The following CSNK1A1 variants were observed in gnomAD, a reference collection of about 807,000 sequenced individuals.
CSNK1A1 encodes casein kinase I isoform alpha.
CSNK1A1 carries 7 observed loss-of-function variants against 46.1 expected under a neutral mutation model. The ratio of observed to expected loss-of-function variants is 0.15; its 90% CI spans 0.09 to 0.29. CSNK1A1 has a LOEUF of 0.29. Among genes scored for constraint, CSNK1A1 ranks in the 10% least tolerant of loss-of-function variants. The pLI, the probability that CSNK1A1 is intolerant of heterozygous loss-of-function variation, is 1.00. For synonymous variants in CSNK1A1, 137 were observed against 141.5 expected (o/e 0.97, Z 0.23); for missense variants, 96 against 417.1 (o/e 0.23, Z 6.71).
chr5:149,518,446 C>T (rs962388250), intron 4 of CSNK1A1, among the ~76,000 whole-genome samples: 6 of 151,860 alleles, frequency 4.0e-5, no homozygotes, highest in Admixed American at 3.3e-4. Flanking sequence ...CCTTTTTTTC[C>T]CCATGAATAG....
rs1187280446 is a variant in CSNK1A1 at position 149,494,831 on chromosome 5, A to G, written c.*2022T>C. The G allele has an allele frequency of 6.6e-6, 1 of 152,238 alleles. No individual in the cohort carries two copies. 9.4% of individuals were successfully genotyped at this position (152,238 alleles called of 1,614,324 possible). On this transcript the variant is annotated 3_prime_UTR_variant, in exon 10 of 10. Coordinates refer to ENST00000377843, the MANE Select transcript of CSNK1A1 (RefSeq NM_001892.6). ...ACCAACTACACCACAACCTTTTCAA[A>G]TGGCAAAAATACAAAAAAGTGTTAC...
At chr5:149,548,448 T>G (rs1021911939) in intron 2 of CSNK1A1, among the ~76,000 whole-genome samples, 10 of 151,466 alleles carry the variant, frequency 6.6e-5, no homozygotes, top group African/African-American at 2.4e-4. Context: ...AGCTCTGCAA[T>G]TCCAGCTACT....
At position 149,550,497 on chromosome 5, in the gene CSNK1A1, C is replaced by T. The variant is rs961076509; in HGVS notation, c.124-316G>A. Among the ~76,000 whole-genome samples the T allele has an allele frequency of 6.9e-5, 9 of 130,096 alleles. No individual in the cohort carries two copies. The highest frequency in any genetic ancestry group is 2.8e-4 in the African/African-American group (9 of 32,086). 85.3% of individuals were successfully genotyped at this position (130,096 alleles called of 152,430 possible). On this transcript the variant is annotated intron_variant, in intron 1 of 9. Transcript: ENST00000377843. This position sits in a 1 kb window ranked among gnomAD's most constrained non-coding sequence, Gnocchi z 4.3. ...ACTGTTCTAATTGGAACAAGAGGCC[C>T]AGTAGAATTAAGAATTAAAAAAAAA...
intron 2 of CSNK1A1, chr5:149,545,492 A>G: frequency 1.7e-6 from 1 of 591,210 alleles, no homozygotes; most frequent in Non-Finnish European, 3.1e-6. Context: ...TTTGGCCCAC[A>G]CAGTCTGAGC....
intron 2 of CSNK1A1, among the ~76,000 whole-genome samples, chr5:149,527,884 G>C (rs1027141412): frequency 6.6e-6 from 1 of 152,180 alleles, no homozygotes; most frequent in Non-Finnish European, 1.5e-5. Context: ...TTATTTATAA[G>C]ACCAAGTCTC....
chr5:149,523,770 G>A (rs1226546086), intron 3 of CSNK1A1, among the ~76,000 whole-genome samples: 1 of 152,158 alleles, frequency 6.6e-6, no homozygotes, highest in Non-Finnish European at 1.5e-5. Context: ...TCAAATCAGG[G>A]TAGTTGGGAT....
intron 9 of CSNK1A1, chr5:149,499,163 T>C: frequency 1.0e-6 from 1 of 985,386 alleles, no homozygotes; most frequent in Non-Finnish European, 1.2e-6. Flanking sequence ...GTACTAAGCA[T>C]TCTTTTCCCC....
At chr5:149,541,783 C>A (rs1762238525) in intron 2 of CSNK1A1, among the ~76,000 whole-genome samples, 1 of 151,822 alleles carries the variant, frequency 6.6e-6, no homozygotes, top group Non-Finnish European at 1.5e-5. Context: ...CGAGACCAGC[C>A]TGACCAATAT....
At position 149,551,236 on chromosome 5, in the gene CSNK1A1, C is replaced by G. The variant is rs949417023; in HGVS notation, c.-272G>C. Reference sequence around the variant, plus strand: ...CTTGTTTCTCGGCGGCCGCCGCTGCCTCGCTTGCGCGGCGACGTCGCGGGC... The same window carrying G: ...CTTGTTTCTCGGCGGCCGCCGCTGCGTCGCTTGCGCGGCGACGTCGCGGGC... On this transcript the variant is annotated 5_prime_UTR_variant, in exon 1 of 10. Transcript: ENST00000377843. 9.2e-6 allele frequency: 3 copies of G among 326,740 alleles called. No individual in the cohort carries two copies. The highest frequency in any genetic ancestry group is 6.5e-5 in the African/African-American group (3 of 46,160). 20.2% of individuals were successfully genotyped at this position (326,740 alleles called of 1,614,324 possible).
At chr5:149,534,661 T>C (rs1762007099) in intron 2 of CSNK1A1, among the ~76,000 whole-genome samples, 1 of 152,036 alleles carries the variant, frequency 6.6e-6, no homozygotes, top group Non-Finnish European at 1.5e-5. Flanking sequence ...AGCCATGCGA[T>C]AGCTCACACC....
intron 2 of CSNK1A1, among the ~76,000 whole-genome samples, chr5:149,546,579 G>A (rs569392454): frequency 2.0e-4 from 31 of 151,556 alleles, no homozygotes; most frequent in Non-Finnish European, 4.1e-4. Flanking sequence ...GCTGCAGTGA[G>A]CCAAGACTGT....
chr5:149,496,976 T>C, intron 9 of CSNK1A1, 116 bp from the exon 10 acceptor site: 1 of 1,468,402 alleles, frequency 6.8e-7, no homozygotes, highest in Non-Finnish European at 8.9e-7. Flanking sequence ...GCTCATGTTA[T>C]TTCGTCTCTT....
At chr5:149,539,279 C>T (rs1280478380) in intron 2 of CSNK1A1, among the ~76,000 whole-genome samples, 2 of 152,004 alleles carry the variant, frequency 1.3e-5, no homozygotes, top group Non-Finnish European at 2.9e-5. Context: ...GCCTGAGCAA[C>T]ACAGTGAGAC....
At chr5:149,547,297 T>A (rs1399258072) in intron 2 of CSNK1A1, among the ~76,000 whole-genome samples, 1 of 152,220 alleles carries the variant, frequency 6.6e-6, no homozygotes, top group African/African-American at 2.4e-5. Flanking sequence ...TAGGCACCTA[T>A]TACTATAATT....
chr5:149,528,326 A>G (rs1368263321), intron 2 of CSNK1A1, among the ~76,000 whole-genome samples: 1 of 152,200 alleles, frequency 6.6e-6, no homozygotes, highest in Non-Finnish European at 1.5e-5. Context: ...CAGTTCTAAA[A>G]CAGCTAGGAC....
At chr5:149,546,834 ATATT>A (rs1226629490) in intron 2 of CSNK1A1, among the ~76,000 whole-genome samples, 2 of 152,208 alleles carry the variant, frequency 1.3e-5, no homozygotes, top group African/African-American at 2.4e-5. Context: ...TTCCGAGTAA[ATATT>A]TATTAAGTAT....
intron 2 of CSNK1A1, among the ~76,000 whole-genome samples, chr5:149,534,482 CAAAAAAAAAAAAAAAAAA>C (rs10597922): frequency 2.1e-5 from 2 of 94,980 alleles, no homozygotes; most frequent in African/African-American, 8.5e-5. Context: ...GACTCTGTCT[CAAAAAAAAAAAAAAAAAA>C]AAAAAAAAGA....
chr5:149,532,550 G>A (rs889926348), intron 2 of CSNK1A1, among the ~76,000 whole-genome samples: 9 of 152,082 alleles, frequency 5.9e-5, no homozygotes, highest in East Asian at 5.8e-4. Context: ...AATATCAGCC[G>A]GGCGTGGCGT....
chr5:149,540,688 T>C (rs950144042), intron 2 of CSNK1A1, among the ~76,000 whole-genome samples: 3 of 151,968 alleles, frequency 2.0e-5, no homozygotes, highest in Non-Finnish European at 2.9e-5. Flanking sequence ...TGTCACAGAA[T>C]AGAACTTACC....
Sources: allele counts gnomAD v4.1 joint callset (sites outside exome capture counted in the v4.1 genomes callset), GRCh38; gene constraint gnomAD v4.1.1; non-coding constraint Gnocchi (gnomAD v3.1); transcripts MANE v1.5; gene names NCBI Gene and HGNC (gene_info 2026-07-23, HGNC 2026-07-21).